Variants in CDC42BPA observed in about 807,000 individuals in gnomAD.
CDC42BPA encodes the protein CDC42 binding protein kinase alpha.
A neutral mutation model predicts 223.5 loss-of-function variants in CDC42BPA; 80 were observed. The observed-to-expected ratio is 0.36, with a 90% confidence interval of 0.30 to 0.43. CDC42BPA has a LOEUF of 0.43. CDC42BPA is among the 20% of genes least tolerant of loss of function. The probability of loss-of-function intolerance (pLI) is 1.00; values close to 1 mark genes in which losing one functional copy is unlikely to be tolerated. For missense variants in CDC42BPA, 1,743 were observed against 2,099.9 expected, an observed-to-expected ratio of 0.83 and a Z score of 3.32; for synonymous variants, 694 against 718.6, an observed-to-expected ratio of 0.97 and a Z score of 0.55.
At chr1:227,163,339 C>T (rs908660752) in intron 5 of CDC42BPA, among the ~76,000 whole-genome samples, 3 of 151,756 alleles carry the variant, frequency 2.0e-5, no homozygotes, top group African/African-American at 4.8e-5. Context: ...TTGATTGTTG[C>T]CCATTTTTAT....
intron 3 of CDC42BPA, among the ~76,000 whole-genome samples, chr1:227,209,306 G>C (rs1673434636): frequency 1.3e-5 from 2 of 149,250 alleles, no homozygotes; most frequent in African/African-American, 5.0e-5. Flanking sequence ...CTGCAAACAG[G>C]GACAATTTGA....
intron 3 of CDC42BPA, 84 bp downstream of exon 3, chr1:227,213,052 A>G (rs1674209390): frequency 8.9e-6 from 6 of 673,520 alleles, no homozygotes; most frequent in Non-Finnish European, 1.5e-5. Flanking sequence ...TTACCAAGTA[A>G]TATTTAATGA....
intron 9 of CDC42BPA, among the ~76,000 whole-genome samples, chr1:227,142,475 T>G (rs766959489): frequency 1.3e-5 from 2 of 152,192 alleles, no homozygotes; most frequent in Non-Finnish European, 2.9e-5. Context: ...TTTTCATGCG[T>G]TCTATTCATT....
chr1:227,263,131 G>A (rs12138364), intron 1 of CDC42BPA, among the ~76,000 whole-genome samples: 17,514 of 152,130 alleles, frequency 0.12, 1,219 homozygotes, highest in South Asian at 0.18. Flanking sequence ...TACTTGGGAG[G>A]CTGAGGCAAG....
intron 5 of CDC42BPA, 114 bp downstream of exon 5, chr1:227,193,670 TTG>T (rs1670161059): frequency 3.6e-6 from 3 of 835,466 alleles, no homozygotes; most frequent in Non-Finnish European, 5.3e-6. Flanking sequence ...ATAATTTTTT[TTG>T]GTTGACGATA....
intron 1 of CDC42BPA, among the ~76,000 whole-genome samples, chr1:227,261,124 C>CTTTCTTTTTTTTTTTTT (rs386417862): frequency 2.1e-4 from 25 of 121,022 alleles, no homozygotes; most frequent in South Asian, 5.6e-4. Flanking sequence ...TTGAGTTTTT[C>CTTTCTTTTTTTTTTTTT]TTTTTTTTTG....
In CDC42BPA at chr1:227,317,296, C is replaced by A. The variant is rs943885071; in HGVS notation, c.-114G>T. 4.0e-5 allele frequency: 45 copies of A among 1,123,320 alleles called. No homozygotes were observed. Among genetic ancestry groups the A allele is most frequent in the Non-Finnish European group, 5.2e-5 (41 of 795,114 alleles). The allele number at this position is 1,123,320 out of a possible 1,614,324, so 69.6% of individuals were successfully genotyped here. ...AAAAATAAACCACTTGTTATTCAAA[C>A]AACTGTCATGCAATGCTGGTGCTGA... On this transcript the variant is annotated 5_prime_UTR_variant, in exon 1 of 37. Coordinates refer to ENST00000366766, the MANE Select transcript of CDC42BPA (RefSeq NM_001394014.1).
rs192136646 is a variant in CDC42BPA, at chr1:226,990,878, C to T, written c.*3390G>A. On this transcript the variant is annotated 3_prime_UTR_variant, in exon 37 of 37. Transcript: ENST00000366766. ...ACATGACAGGAATTTCAGATTCTCC[C>T]CTGAAATGTGAGTACAATAATTGGC... The T allele has an allele frequency of 5.2e-5, 8 of 152,698 alleles. No individual in the cohort carries two copies. Among genetic ancestry groups the T allele is most frequent in the African/African-American group, 1.9e-4 (8 of 41,542 alleles). The allele number at this position is 152,698 out of a possible 1,614,324, so 9.5% of individuals were successfully genotyped here. A position where few individuals can be genotyped will look rare whatever the true frequency, so the allele number is the denominator to read the frequency against.
chr1:227,209,963 T>A (rs528552484), intron 3 of CDC42BPA, among the ~76,000 whole-genome samples: 1 of 150,380 alleles, frequency 6.6e-6, no homozygotes, highest in East Asian at 2.0e-4. Context: ...TCTGGTAGAA[T>A]TCGGCTGTGA....
intron 34 of CDC42BPA, among the ~76,000 whole-genome samples, chr1:227,014,357 A>C (rs1232270545): frequency 6.6e-6 from 1 of 152,090 alleles, no homozygotes; most frequent in Non-Finnish European, 1.5e-5. Context: ...TAAGTGATTA[A>C]TGAGGCTGGT....
At chr1:227,193,400 G>A (rs1271658612) in intron 5 of CDC42BPA, among the ~76,000 whole-genome samples, 1 of 151,880 alleles carries the variant, frequency 6.6e-6, no homozygotes, top group Non-Finnish European at 1.5e-5. Context: ...TACAAGTGCA[G>A]CTTTGTTACA....
chr1:227,233,633 C>A (rs1339220196), intron 2 of CDC42BPA, among the ~76,000 whole-genome samples: 1 of 152,026 alleles, frequency 6.6e-6, no homozygotes, highest in African/African-American at 2.4e-5. Flanking sequence ...CCTATTAACC[C>A]TTTCAAAGAG....
At position 227,016,059 on chromosome 1, in the gene CDC42BPA, C is replaced by T. The variant is rs753464288; in HGVS notation, c.4857+21G>A. ...CCCCCCACACCCGCCCTTTTTTACACTCACTCTTAATTCCTCTTACCATGG... is the reference window on the plus strand; with the variant it reads ...CCCCCCACACCCGCCCTTTTTTACATTCACTCTTAATTCCTCTTACCATGG... On this transcript the variant is annotated intron_variant, in intron 34 of 36. Transcript: ENST00000366766. The T allele has an allele frequency of 3.0e-6, 4 of 1,332,498 alleles. No homozygotes were observed. In the African/African-American group the frequency reaches 5.8e-5, roughly 19 times the overall value. The allele number at this position is 1,332,498 out of a possible 1,614,324, so 82.5% of individuals were successfully genotyped here.
chr1:227,047,710 C>T (rs1672731272), intron 23 of CDC42BPA, among the ~76,000 whole-genome samples: 1 of 152,142 alleles, frequency 6.6e-6, no homozygotes, highest in Non-Finnish European at 1.5e-5. Flanking sequence ...CTTATTATAA[C>T]AGACTTCAAA....
chr1:227,174,893 G>T (rs991563341), intron 5 of CDC42BPA, among the ~76,000 whole-genome samples: 1 of 152,164 alleles, frequency 6.6e-6, no homozygotes, highest in African/African-American at 2.4e-5. Flanking sequence ...CCCTCAGGGA[G>T]AGATTCTACG....
At chr1:227,305,336 C>T (rs1692353159) in intron 1 of CDC42BPA, among the ~76,000 whole-genome samples, 1 of 151,752 alleles carries the variant, frequency 6.6e-6, no homozygotes, top group Non-Finnish European at 1.5e-5. Context: ...ATCTTAAATC[C>T]ATTACTCTGT....
At chr1:227,250,361 A>G (rs1681756018) in intron 2 of CDC42BPA, among the ~76,000 whole-genome samples, 1 of 152,012 alleles carries the variant, frequency 6.6e-6, no homozygotes, top group African/African-American at 2.4e-5. Flanking sequence ...GGTAGTGGGC[A>G]CTTGTAATCC....
At chr1:227,129,282 TTAAAAC>T (rs1656490310) in intron 10 of CDC42BPA, 51 bp from the exon 11 acceptor site, 1 of 1,264,560 alleles carries the variant, frequency 7.9e-7, no homozygotes, top group African/African-American at 1.6e-5. Flanking sequence ...CTCTAAATTC[TTAAAAC>T]TAATAACATT....
chr1:227,273,555 A>G (rs138808468), intron 1 of CDC42BPA, among the ~76,000 whole-genome samples: 58 of 152,070 alleles, frequency 3.8e-4, no homozygotes, highest in African/African-American at 1.3e-3. Context: ...AAAACCAACA[A>G]CAACAACAAA....
Sources: allele counts gnomAD v4.1 joint callset (sites outside exome capture counted in the v4.1 genomes callset), GRCh38; gene constraint gnomAD v4.1.1; transcripts MANE v1.5; gene names NCBI Gene and HGNC (gene_info 2026-07-23, HGNC 2026-07-21).